TSPAN32: variants seen among roughly 807,000 people sequenced by gnomAD.
The protein encoded by TSPAN32 is tetraspanin 32.
TSPAN32 carries 47 observed loss-of-function variants against 42.7 expected under a neutral mutation model. The ratio of observed to expected loss-of-function variants is 1.10; its 90% CI spans 0.87 to 1.40. The LOEUF (loss-of-function observed/expected upper bound fraction) is 1.40, where lower values mean the gene tolerates loss of function less well. Ranked by LOEUF, TSPAN32 falls within the 40% of genes most tolerant of loss-of-function variation. The pLI, the probability that TSPAN32 is intolerant of heterozygous loss-of-function variation, is 0.00. For synonymous variants in TSPAN32, 175 were observed against 175.9 expected (o/e 0.99, Z 0.04); for missense variants, 469 against 424.1 (o/e 1.11, Z -0.93).
At chr11:2,306,281 C>T (rs61871577) in intron 3 of TSPAN32, among the ~76,000 whole-genome samples, 8,605 of 152,258 alleles carry the variant, frequency 0.057, 386 homozygotes, top group Non-Finnish European at 0.084. Context: ...CCCACCCCTC[C>T]GGCCTCTCCC....
At chr11:2,315,354 C>T (rs755223702) in intron 6 of TSPAN32, 53 of 1,158,348 alleles carry the variant, frequency 4.6e-5, no homozygotes, top group South Asian at 1.4e-4. Flanking sequence ...GAAGGGCTGG[C>T]GCTGAGGATG....
In TSPAN32 at chr11:2,302,036, G is replaced by A; in HGVS notation, c.-114G>A. 3.3e-6 allele frequency: 5 copies of A among 1,494,338 alleles called. No homozygotes were observed. Among genetic ancestry groups the A allele is most frequent in the Non-Finnish European group, 4.4e-6 (5 of 1,126,294 alleles). 92.6% of individuals were successfully genotyped at this position (1,494,338 alleles called of 1,614,324 possible). On this transcript the variant is annotated 5_prime_UTR_variant, in exon 1 of 10. Coordinates refer to ENST00000182290, the MANE Select transcript of TSPAN32 (RefSeq NM_139022.3). ...CTAGGGCGATGTTGACAGACAGACA[G>A]AGGGGCGGATGCAGCCTACCTCCTG...
chr11:2,315,002 A>G, intron 6 of TSPAN32: 2 of 220,746 alleles, frequency 9.1e-6, no homozygotes, highest in South Asian at 8.7e-5. Context: ...GGGGGGCATC[A>G]GAAGGAGTTG....
chr11:2,310,533 T>C (rs1055085398), intron 4 of TSPAN32, among the ~76,000 whole-genome samples: 1 of 152,152 alleles, frequency 6.6e-6, no homozygotes, highest in Admixed American at 6.5e-5. Flanking sequence ...CATCTGCCCC[T>C]CCCAGTGGGT....
At chr11:2,316,169 C>T (rs760130564) in intron 6 of TSPAN32, 60 bp from the exon 7 acceptor site, 32 of 1,513,134 alleles carry the variant, frequency 2.1e-5, no homozygotes, top group Non-Finnish European at 2.5e-5. Flanking sequence ...CCACAGAGGC[C>T]GCTTGTCCAG....
intron 6 of TSPAN32, chr11:2,315,561 ACGGAGCCACCCAGATGGGCTGGCATGGG>A: frequency 1.7e-6 from 2 of 1,171,524 alleles, no homozygotes; most frequent in Non-Finnish European, 2.1e-6. Context: ...GGCGGCAGGC[ACGGAGCCACCCAGATGGGCTGGCATGGG>A]CGGGAGGGAG....
rs1200054606 is a variant in TSPAN32, at chr11:2,315,389, T to C, written c.543+818T>C. The C allele has an allele frequency of 1.7e-5, 19 of 1,133,732 alleles. No individual in the cohort carries two copies. The Middle Eastern group carries it at 1.3e-3, about 75-fold the overall frequency. 70.2% of individuals were successfully genotyped at this position (1,133,732 alleles called of 1,614,324 possible). ...GGTGCTGGGGAGGGACCAGCGGCAT[T>C]GGGGGCAGGGCTAACAGTCAGGACC... On this transcript the variant is annotated intron_variant, in intron 6 of 9. Transcript: ENST00000182290.
chr11:2,316,400 A>T (rs758074567), intron 7 of TSPAN32, 88 bp downstream of exon 7: 6 of 1,544,414 alleles, frequency 3.9e-6, no homozygotes, highest in Non-Finnish European at 5.2e-6. Context: ...GTGACCCGGG[A>T]CAGGATCTCT....
chr11:2,306,044 C>CTGTGTGTGTGTG (rs1407139268), intron 3 of TSPAN32, among the ~76,000 whole-genome samples: 4 of 40,852 alleles, frequency 9.8e-5, no homozygotes, highest in African/African-American at 1.3e-4. Context: ...GTGCAGGTGC[C>CTGTGTGTGTGTG]TCTGTGTGTG....
chr11:2,309,700 C>T (rs2651821), intron 4 of TSPAN32, among the ~76,000 whole-genome samples: 135,384 of 152,236 alleles, frequency 0.89, 61,089 homozygotes, highest in Non-Finnish European at 0.93. Context: ...TGAGAGATAC[C>T]GAGGCTGGTA....
rs747054422 is a variant in TSPAN32 at position 2,313,491 on chromosome 11, G to T, written c.355-163G>T. The stretch of plus-strand genomic sequence containing the variant: ...GAAGCACTGTGACTGGCTGCCCAGG[G>T]ACCCAGGTTCCGCTTTGGGGAGATC... On this transcript the variant is annotated intron_variant, in intron 4 of 9. Transcript: ENST00000182290. The surrounding 1 kb of genome is among the most constrained non-coding windows in gnomAD (Gnocchi z 9.1). 3.5e-4 allele frequency among the ~76,000 whole-genome samples: 53 copies of T among 152,136 alleles called. No homozygotes were observed. The highest frequency in any genetic ancestry group is 7.2e-4 in the Admixed American group (11 of 15,270).
chr11:2,305,647 T>C (rs2133299947), intron 3 of TSPAN32, among the ~76,000 whole-genome samples: 1 of 152,328 alleles, frequency 6.6e-6, no homozygotes, highest in Non-Finnish European at 1.5e-5. Flanking sequence ...CCCTCATCTG[T>C]GGCCAAGGCG....
chr11:2,313,770 G>C lies in TSPAN32; in HGVS notation c.456+15G>C. The C allele has an allele frequency of 1.3e-6, 2 of 1,572,160 alleles. No individual in the cohort carries two copies. The highest frequency in any genetic ancestry group is 1.2e-5 in the South Asian group (1 of 86,374). On this transcript the variant is annotated intron_variant, in intron 5 of 9. Coordinates refer to ENST00000182290, the MANE Select transcript of TSPAN32 (RefSeq NM_139022.3). This position sits in a 1 kb window ranked among gnomAD's most constrained non-coding sequence, Gnocchi z 9.1. ...TCCAGGACGTGGTGAGCGTGGGGAC[G>C]GCTGGGTGGCAGGGCGGTCAGCTTC...
rs895819145 is a variant in TSPAN32, at chr11:2,304,021, C to A, written c.182-86C>A. On this transcript the variant is annotated intron_variant, in intron 2 of 9. Transcript: ENST00000182290. This position sits in a 1 kb window ranked among gnomAD's most constrained non-coding sequence, Gnocchi z 4.8. Reference sequence around the variant, plus strand: ...CAGGAGTCCCTCACGGCCCCTGACTCCCAAGTTAGATTTCACACCCAGGCT... The same window carrying A: ...CAGGAGTCCCTCACGGCCCCTGACTACCAAGTTAGATTTCACACCCAGGCT... 1.9e-6 allele frequency: 2 copies of A among 1,072,308 alleles called. No homozygotes were observed. Among genetic ancestry groups the A allele is most frequent in the Admixed American group, 2.1e-5 (1 of 48,634 alleles). 66.4% of individuals were successfully genotyped at this position (1,072,308 alleles called of 1,614,324 possible).
At chr11:2,315,442 A>G in intron 6 of TSPAN32, 2 of 1,126,932 alleles carry the variant, frequency 1.8e-6, no homozygotes, top group Admixed American at 4.6e-5. Context: ...GAGACTGAAA[A>G]GGCCCCCGAC....
At position 2,317,975 on chromosome 11, in the gene TSPAN32, C is replaced by T; in HGVS notation, c.*51C>T. On this transcript the variant is annotated 3_prime_UTR_variant, in exon 10 of 10. Transcript: ENST00000182290. The surrounding 1 kb of genome is among the most constrained non-coding windows in gnomAD (Gnocchi z 6.2). ...TCACCTGGAGGCTCCGGGGAAGCATCTGCCTCCAGGACCATTCAGGCTGTT... is the reference window on the plus strand; with the variant it reads ...TCACCTGGAGGCTCCGGGGAAGCATTTGCCTCCAGGACCATTCAGGCTGTT... 2.5e-6 allele frequency: 2 copies of T among 786,946 alleles called. No homozygotes were observed. The highest frequency in any genetic ancestry group is 2.4e-5 in the East Asian group (1 of 40,986). The allele number at this position is 786,946 out of a possible 1,614,324, so 48.7% of individuals were successfully genotyped here.
chr11:2,307,597 A>G (rs1377690957), intron 3 of TSPAN32, among the ~76,000 whole-genome samples: 1 of 152,178 alleles, frequency 6.6e-6, no homozygotes, highest in Non-Finnish European at 1.5e-5. Context: ...GCCACCATCC[A>G]TAAAACTGTA....
In TSPAN32 at chr11:2,317,417, T is replaced by A. The variant is rs1331027335; in HGVS notation, c.793T>A (p.Ser265Thr). The A allele has an allele frequency of 6.2e-7, 1 of 1,602,740 alleles. No individual in the cohort carries two copies. The highest frequency in any genetic ancestry group is 1.1e-5 in the South Asian group (1 of 88,940). The change falls in exon 9 of 10, where the codon TCC (serine) becomes ACC (threonine). Residue 265 changes from serine to threonine, a missense_variant. By Grantham distance (58) the Ser-to-Thr change is moderately conservative. Transcript: ENST00000182290. This position sits in a 1 kb window ranked among gnomAD's most constrained non-coding sequence, Gnocchi z 6.2. ...SQGGPTHCLHSEAVAIGPRGC... is the reference protein window; with the variant it reads ...SQGGPTHCLHTEAVAIGPRGC... ...GGGTGGACCCACACATTGTCTCCACTCCGAAGCAGTTGCTATTGGTCCAAG... is the reference window on the plus strand; with the variant it reads ...GGGTGGACCCACACATTGTCTCCACACCGAAGCAGTTGCTATTGGTCCAAG...
chr11:2,313,070 C>T lies in TSPAN32; in HGVS notation c.355-584C>T, dbSNP rs568395139. Reference sequence around the variant, plus strand: ...AGCACATCCAGCCAGGCCCCGTCACCTTCCACCTTCTTCACCCCCTGCCCC... The same window carrying T: ...AGCACATCCAGCCAGGCCCCGTCACTTTCCACCTTCTTCACCCCCTGCCCC... On this transcript the variant is annotated intron_variant, in intron 4 of 9. Coordinates refer to ENST00000182290, the MANE Select transcript of TSPAN32 (RefSeq NM_139022.3). The surrounding 1 kb of genome is among the most constrained non-coding windows in gnomAD (Gnocchi z 9.1). 6.6e-6 allele frequency among the ~76,000 whole-genome samples: 1 copy of T among 152,326 alleles called. No individual in the cohort carries two copies. The highest frequency in any genetic ancestry group is 2.4e-5 in the African/African-American group (1 of 41,568).
Sources: gnomAD v4.1 joint callset for allele counts (sites outside exome capture counted in the v4.1 genomes callset) on GRCh38, gnomAD v4.1.1 for gene constraint, Gnocchi (gnomAD v3.1) non-coding constraint, MANE v1.5 for transcripts, NCBI Gene and HGNC (gene_info 2026-07-23, HGNC 2026-07-21) for gene names.